Variants in PCDHAC2 observed in about 807,000 individuals in gnomAD.
PCDHAC2 encodes the protein protocadherin alpha subfamily C, 2.
Under a neutral mutation model 63.3 loss-of-function variants are expected in PCDHAC2, and 24 were observed. The observed-to-expected ratio is 0.38, with a 90% CI of 0.27 to 0.53. The LOEUF (loss-of-function observed/expected upper bound fraction) is 0.53, where lower values mean the gene tolerates loss of function less well. PCDHAC2 is among the 20% of genes least tolerant of loss of function. The pLI is 0.81. For synonymous variants in PCDHAC2, 569 were observed against 529.4 expected (o/e 1.07, Z -1.03); for missense variants, 1,181 against 1,275.2 (o/e 0.93, Z 1.12).
chr5:141,002,673 C>T (rs2098090242), intron 3 of PCDHAC2, among the ~76,000 whole-genome samples: 3 of 152,180 alleles, frequency 2.0e-5, no homozygotes, highest in Admixed American at 2.0e-4. Context: ...GGACCAAAAC[C>T]TATACGACGT....
chr5:140,997,575 C>T (rs565835201), intron 3 of PCDHAC2, among the ~76,000 whole-genome samples: 5 of 151,884 alleles, frequency 3.3e-5, no homozygotes, highest in East Asian at 3.9e-4. Context: ...ATGTGTGGTC[C>T]GTTGTTGACT....
At chr5:140,986,427 G>A (rs937088313) in intron 3 of PCDHAC2, among the ~76,000 whole-genome samples, 19 of 152,186 alleles carry the variant, frequency 1.2e-4, no homozygotes, top group African/African-American at 4.6e-4. Context: ...TTAACTTCAT[G>A]AGTACTAATG....
intron 1 of PCDHAC2, among the ~76,000 whole-genome samples, chr5:140,975,809 TA>T (rs146252033): frequency 0.06 from 9,090 of 152,310 alleles, 381 homozygotes; most frequent in East Asian, 0.11. Context: ...TTTATAATTT[TA>T]ATAGGAACTG....
At chr5:140,970,663 CAAAT>C (rs1216768545) in intron 1 of PCDHAC2, among the ~76,000 whole-genome samples, 1 of 152,136 alleles carries the variant, frequency 6.6e-6, no homozygotes, top group Non-Finnish European at 1.5e-5. Flanking sequence ...GTTATCTTTC[CAAAT>C]AACTACTTTG....
chr5:140,971,487 C>G (rs1285006281), intron 1 of PCDHAC2, among the ~76,000 whole-genome samples: 1 of 152,110 alleles, frequency 6.6e-6, no homozygotes, highest in African/African-American at 2.4e-5. Flanking sequence ...CACATTGTTA[C>G]AGTGTGGCAA....
chr5:140,986,036 G>A (rs2097184937), intron 3 of PCDHAC2, among the ~76,000 whole-genome samples: 2 of 152,116 alleles, frequency 1.3e-5, no homozygotes, highest in Admixed American at 1.3e-4. Context: ...ACTGCGCCTG[G>A]CCTCACTGAT....
At chr5:140,973,760 A>T (rs2153800993) in intron 1 of PCDHAC2, among the ~76,000 whole-genome samples, 1 of 152,376 alleles carries the variant, frequency 6.6e-6, no homozygotes, top group Admixed American at 6.5e-5. Flanking sequence ...GCAGGGACAC[A>T]GCCTGGCATA....
chr5:140,967,737 A>G lies in PCDHAC2; in HGVS notation c.971A>G (p.Asp324Gly). 6.2e-7 allele frequency: 1 copy of G among 1,614,170 alleles called. No individual in the cohort carries two copies. Among genetic ancestry groups the G allele is most frequent in the Non-Finnish European group, 8.5e-7 (1 of 1,180,034 alleles). The change falls in exon 1 of 4, where the codon GAT (aspartate) becomes GGT (glycine). Residue 324 changes from aspartate (D) to glycine (G), a missense_variant. Coordinates refer to ENST00000289269, the MANE Select transcript of PCDHAC2 (RefSeq NM_018899.6). Reference sequence around the variant, plus strand: ...GAAGTGCGAGTAATTGGGGGGCTGGATTATGAGGAAGCCTCCTCCTACCAG... The same window carrying G: ...GAAGTGCGAGTAATTGGGGGGCTGGGTTATGAGGAAGCCTCCTCCTACCAG... The part of the protein sequence containing the change: ...TGEVRVIGGL[D>G]YEEASSYQIY...
At chr5:140,987,893 G>A (rs571929057) in intron 3 of PCDHAC2, among the ~76,000 whole-genome samples, 82 of 152,138 alleles carry the variant, frequency 5.4e-4, no homozygotes, top group Admixed American at 1.5e-3. Context: ...ATGTGCCCTA[G>A]TTTTATATGG....
rs782459653 is a variant in PCDHAC2 at position 140,967,880 on chromosome 5, A to G, written c.1114A>G (p.Ser372Gly). 7 of 1,614,060 alleles carry G rather than the reference A, an allele frequency of 4.3e-6. No homozygotes were observed. Among genetic ancestry groups the G allele is most frequent in the Non-Finnish European group, 2.5e-6 (3 of 1,180,034 alleles). Residue 372 changes from serine to glycine, a missense_variant, in exon 1 of 4, where the codon AGC becomes GGC. Around this residue, in one of 3 missense-constraint regions of PCDHAC2, gnomAD observed 968 missense variants for 1,073.5 expected, o/e 0.90. Transcript: ENST00000289269. ...AGAGGTGGTGCTCACGGACCTGTAT[A>G]GCCCAGTGCCTGAGAATGCTACACC... ...APEVVLTDLY[S>G]PVPENATPNT...
intron 1 of PCDHAC2, among the ~76,000 whole-genome samples, chr5:140,975,572 C>T (rs1356117545): frequency 6.6e-6 from 1 of 152,202 alleles, no homozygotes; most frequent in African/African-American, 2.4e-5. Context: ...ATATTATATG[C>T]AGTCTCATGT....
At chr5:140,992,295 A>G (rs2097504334) in intron 3 of PCDHAC2, among the ~76,000 whole-genome samples, 1 of 152,134 alleles carries the variant, frequency 6.6e-6, no homozygotes, top group African/African-American at 2.4e-5. Flanking sequence ...AAAGGATGGG[A>G]GTATTGTTTT....
chr5:141,002,374 C>T (rs1228476890), intron 3 of PCDHAC2, among the ~76,000 whole-genome samples: 1 of 152,220 alleles, frequency 6.6e-6, no homozygotes, highest in Non-Finnish European at 1.5e-5. Context: ...CTCATTCTGG[C>T]TTAGGGCTCC....
At chr5:140,996,082 T>A (rs782553216) in intron 3 of PCDHAC2, among the ~76,000 whole-genome samples, 6 of 152,248 alleles carry the variant, frequency 3.9e-5, no homozygotes, top group Non-Finnish European at 7.3e-5. Context: ...AAGATGTTTT[T>A]GCTAGATTAC....
At position 141,009,849 on chromosome 5, in the gene PCDHAC2, C is replaced by T. The variant is rs782348993; in HGVS notation, c.2936C>T (p.Thr979Ile). 54 of 1,613,364 alleles carry T rather than the reference C, an allele frequency of 3.3e-5. No individual in the cohort carries two copies. The South Asian group carries it at 5.8e-4, about 17-fold the overall frequency. ...DFITFGKKEETKKKKKKKKGN... is the reference protein window; with the variant it reads ...DFITFGKKEEIKKKKKKKKGN... ...ATAACCTTCGGCAAAAAGGAGGAGA[C>T]CAAGAAAAAGAAGAAAAAGAAGAAG... Residue 979 changes from threonine to isoleucine, a missense_variant, in exon 4 of 4, where the codon ACC becomes ATC. Around this residue, in one of 3 missense-constraint regions of PCDHAC2, gnomAD observed 968 missense variants for 1,073.5 expected, o/e 0.90. Transcript: ENST00000289269.
At chr5:140,969,945 A>G (rs2096371634) in intron 1 of PCDHAC2, among the ~76,000 whole-genome samples, 1 of 152,214 alleles carries the variant, frequency 6.6e-6, no homozygotes, top group South Asian at 2.1e-4. Flanking sequence ...TACTGAAGCT[A>G]AAGTTTGCTT....
chr5:140,968,948 A>G lies in PCDHAC2; in HGVS notation c.2182A>G (p.Ile728Val), dbSNP rs1554231262. 2.5e-6 allele frequency: 4 copies of G among 1,614,064 alleles called. No homozygotes were observed. Among genetic ancestry groups the G allele is most frequent in the East Asian group, 4.5e-5 (2 of 44,892 alleles). Residue 728 changes from isoleucine (I) to valine (V), a missense_variant, in exon 1 of 4, where the codon ATC becomes GTC. Ile to Val is a conservative substitution (Grantham distance 29, BLOSUM62 3). Coordinates refer to ENST00000289269, the MANE Select transcript of PCDHAC2 (RefSeq NM_018899.6). The part of the protein sequence containing the change: ...IFLLTIIILS[I>V]IKCYRYTAYG... ...TCTTTTGACAATCATCATTTTGAGC[A>G]TCATCAAGTGCTACCGCTACACTGC...
intron 3 of PCDHAC2, among the ~76,000 whole-genome samples, chr5:141,001,134 T>A (rs370176335): frequency 4.7e-4 from 72 of 152,158 alleles, no homozygotes; most frequent in African/African-American, 1.7e-3. Context: ...AACAAATGAA[T>A]CTTCTGTTGC....
At position 140,966,926 on chromosome 5, in the gene PCDHAC2, C is replaced by G. The variant is rs782811757; in HGVS notation, c.160C>G (p.Pro54Ala). Residue 54 changes from proline to alanine, a missense_variant, in exon 1 of 4, where the codon CCC (proline) becomes GCC (alanine). Coordinates refer to ENST00000289269, the MANE Select transcript of PCDHAC2 (RefSeq NM_018899.6). ...LRYSVPEEQAPGALVGNVARA... is the reference protein window; with the variant it reads ...LRYSVPEEQAAGALVGNVARA... ...ATACTCTGTGCCAGAGGAGCAGGCA[C>G]CCGGCGCGCTCGTGGGCAACGTGGC... The G allele has an allele frequency of 1.9e-6, 3 of 1,603,462 alleles. No individual in the cohort carries two copies. The highest frequency in any genetic ancestry group is 1.7e-5 in the Admixed American group (1 of 59,682).
Sources: allele counts gnomAD v4.1 joint callset (sites outside exome capture counted in the v4.1 genomes callset), GRCh38; gene constraint gnomAD v4.1.1; regional missense constraint gnomAD v4.1.1; transcripts MANE v1.5; gene names NCBI Gene and HGNC (gene_info 2026-07-23, HGNC 2026-07-21).